ZEB1: variants seen among roughly 807,000 people sequenced by gnomAD.
ZEB1 encodes zinc finger E-box-binding homeobox 1.
ZEB1 carries 21 observed loss-of-function variants against 84.9 expected under a neutral mutation model. That is an observed-to-expected ratio of 0.25 (90% CI 0.18 to 0.36). The LOEUF (loss-of-function observed/expected upper bound fraction) is 0.36. ZEB1 is among the 10% of genes least tolerant of loss of function. ZEB1 has a pLI of 1.00. For synonymous variants in ZEB1, 420 were observed against 471.1 expected, an observed-to-expected ratio of 0.89 and a Z score of 1.41; for missense variants, 1,104 against 1,330.2, an observed-to-expected ratio of 0.83 and a Z score of 2.65.
At chr10:31,434,625 A>G (rs1261643451) in intron 1 of ZEB1, among the ~76,000 whole-genome samples, 3 of 152,196 alleles carry the variant, frequency 2.0e-5, no homozygotes, top group Non-Finnish European at 4.4e-5. Flanking sequence ...TCGTTGAGTC[A>G]ATACATTTTT....
chr10:31,517,883 T>A (rs573652192), intron 6 of ZEB1, among the ~76,000 whole-genome samples: 2 of 152,248 alleles, frequency 1.3e-5, no homozygotes, highest in South Asian at 4.1e-4. Flanking sequence ...TATTTTCTAC[T>A]TTTTACTGAT....
intron 1 of ZEB1, among the ~76,000 whole-genome samples, chr10:31,331,685 G>A (rs962109070): frequency 1.3e-5 from 2 of 152,174 alleles, no homozygotes; most frequent in Non-Finnish European, 2.9e-5. Context: ...AAGTATGTGT[G>A]TGGGTTATCC....
intron 1 of ZEB1, chr10:31,321,485 G>A: frequency 6.2e-7 from 1 of 1,614,024 alleles, no homozygotes; most frequent in African/African-American, 1.3e-5. Context: ...AATAGTGTGT[G>A]TTCCATATTG....
At chr10:31,467,623 A>G (rs1383310555) in intron 2 of ZEB1, among the ~76,000 whole-genome samples, 1 of 152,172 alleles carries the variant, frequency 6.6e-6, no homozygotes, top group African/African-American at 2.4e-5. Flanking sequence ...GTTGATCCTA[A>G]GGAGCCAGAG....
chr10:31,327,886 G>A (rs1184508255), intron 1 of ZEB1, among the ~76,000 whole-genome samples: 4 of 152,110 alleles, frequency 2.6e-5, no homozygotes, highest in South Asian at 2.1e-4. Context: ...TTTAATTTAT[G>A]TTTCTCTGTT....
At chr10:31,456,982 A>G (rs967874675) in intron 1 of ZEB1, among the ~76,000 whole-genome samples, 1 of 152,202 alleles carries the variant, frequency 6.6e-6, no homozygotes, top group Non-Finnish European at 1.5e-5. Flanking sequence ...TCTGATGACA[A>G]TAAGTATGCA....
intron 1 of ZEB1, among the ~76,000 whole-genome samples, chr10:31,341,355 G>A (rs2039324457): frequency 6.6e-6 from 1 of 152,082 alleles, no homozygotes; most frequent in Non-Finnish European, 1.5e-5. Flanking sequence ...TCGATGCTTG[G>A]AAATGACCAG....
At chr10:31,448,883 C>G (rs1169200634) in intron 1 of ZEB1, among the ~76,000 whole-genome samples, 1 of 152,224 alleles carries the variant, frequency 6.6e-6, no homozygotes, top group Admixed American at 6.5e-5. Context: ...TGTGCCCTGT[C>G]CCCAGAGGTG....
At chr10:31,366,403 C>T (rs1439796245) in intron 1 of ZEB1, among the ~76,000 whole-genome samples, 2 of 152,180 alleles carry the variant, frequency 1.3e-5, no homozygotes, top group East Asian at 3.8e-4. Flanking sequence ...ATCCTCCCAC[C>T]TCAGCCTCTC....
intron 1 of ZEB1, among the ~76,000 whole-genome samples, chr10:31,326,848 T>A (rs2035602468): frequency 6.6e-6 from 1 of 152,212 alleles, no homozygotes; most frequent in African/African-American, 2.4e-5. Context: ...TTAAAATATT[T>A]CAGATGCAGA....
At chr10:31,381,789 T>A (rs1215883702) in intron 1 of ZEB1, 1 of 152,010 alleles carries the variant, frequency 6.6e-6, no homozygotes, top group Non-Finnish European at 1.5e-5. Flanking sequence ...GGAGGTCAGA[T>A]CACTTGAGAT....
rs762982001 is a variant in ZEB1, at chr10:31,319,220, A to G, written c.-15A>G. ...GAGGAGGTGACTCGAGCATTTAGAC[A>G]CAAGCGAGAGGATCATGGCGGATGG... is the stretch of plus-strand genomic sequence containing the variant. On this transcript the variant is annotated 5_prime_UTR_variant, in exon 1 of 9. Coordinates refer to ENST00000424869, the MANE Select transcript of ZEB1 (RefSeq NM_001174096.2). 6.2e-7 allele frequency: 1 copy of G among 1,602,456 alleles called. No individual in the cohort carries two copies. Among genetic ancestry groups the G allele is most frequent in the Non-Finnish European group, 8.5e-7 (1 of 1,175,430 alleles).
At chr10:31,411,560 A>T (rs2054271638) in intron 1 of ZEB1, among the ~76,000 whole-genome samples, 1 of 151,136 alleles carries the variant, frequency 6.6e-6, no homozygotes, top group Non-Finnish European at 1.5e-5. Context: ...TGAACCTGGG[A>T]AGCGGAGCTT....
intron 1 of ZEB1, among the ~76,000 whole-genome samples, chr10:31,327,099 C>CTT (rs71527629): frequency 0.013 from 1,127 of 84,810 alleles, 2 homozygotes; most frequent in Non-Finnish European, 0.02. Context: ...CTTTTCTTTT[C>CTT]TTTTTTTTTT....
intron 1 of ZEB1, among the ~76,000 whole-genome samples, chr10:31,404,438 T>G (rs1381531206): frequency 6.6e-6 from 1 of 152,132 alleles, no homozygotes; most frequent in Admixed American, 6.6e-5. Context: ...TTAAAAAATA[T>G]GTTAACTGAC....
At chr10:31,361,339 C>G (rs1031436960) in intron 1 of ZEB1, 25 of 883,424 alleles carry the variant, frequency 2.8e-5, no homozygotes, top group Non-Finnish European at 4.4e-5. Flanking sequence ...ACTACAGGCA[C>G]AAGCCACCAT....
intron 1 of ZEB1, among the ~76,000 whole-genome samples, chr10:31,379,503 C>T (rs2047268250): frequency 6.6e-6 from 1 of 151,704 alleles, no homozygotes; most frequent in Admixed American, 6.6e-5. Context: ...CACACAGTAA[C>T]AGTATGTGCA....
chr10:31,405,050 TTATC>T (rs2052723357), intron 1 of ZEB1, among the ~76,000 whole-genome samples: 1 of 152,210 alleles, frequency 6.6e-6, no homozygotes, highest in Admixed American at 6.5e-5. Flanking sequence ...GTCTCACAAA[TTATC>T]TAGCCTGTTC....
intron 1 of ZEB1, among the ~76,000 whole-genome samples, chr10:31,327,099 C>CTTTTTTTTTTTTTTTTTT (rs71527629): frequency 2.5e-4 from 21 of 84,926 alleles, no homozygotes; most frequent in South Asian, 4.5e-4. Flanking sequence ...CTTTTCTTTT[C>CTTTTTTTTTTTTTTTTTT]TTTTTTTTTT....
Sources: allele counts gnomAD v4.1 joint callset (sites outside exome capture counted in the v4.1 genomes callset), GRCh38; gene constraint gnomAD v4.1.1; transcripts MANE v1.5; gene names NCBI Gene and HGNC (gene_info 2026-07-23, HGNC 2026-07-21).